LUC7L2: variants seen among roughly 807,000 people sequenced by gnomAD.
LUC7L2 encodes the protein LUC7 like 2, pre-mRNA splicing factor, also known as putative RNA-binding protein Luc7-like 2.
A neutral mutation model predicts 52.8 loss-of-function variants in LUC7L2; 25 were observed. That is an observed-to-expected ratio of 0.47 (90% CI 0.34 to 0.66). LUC7L2 has a LOEUF of 0.66. Among genes scored for constraint, LUC7L2 ranks in the 30% least tolerant of loss-of-function variants. The pLI, the probability that LUC7L2 is intolerant of heterozygous loss-of-function variation, is 0.01. For synonymous variants in LUC7L2, 144 were observed against 160.9 expected, an observed-to-expected ratio of 0.89 and a Z score of 0.80; for missense variants, 328 against 497.8, an observed-to-expected ratio of 0.66 and a Z score of 3.25.
Position 139,417,579 on chromosome 7 carries a change from T to C in LUC7L2, c.851T>C (p.Met284Thr), listed in dbSNP as rs755026905. The part of the protein sequence containing the change: ...REHRRHRSRS[M>T]SRERKRRTRS... ...CATCGCAGACATCGATCTCGCTCCA[T>C]GTCACGTGAACGCAAGAGGAGAACT... The change falls in exon 9 of 10, where the codon ATG becomes ACG. Residue 284 changes from methionine to threonine, a missense_variant. Physicochemically the swap from Met to Thr is moderately conservative, Grantham distance 81. Around this residue, in one of 2 missense-constraint regions of LUC7L2, gnomAD observed 195 missense variants for 223.3 expected, o/e 0.87. Transcript: ENST00000354926. 3.7e-6 allele frequency: 6 copies of C among 1,614,000 alleles called. No individual in the cohort carries two copies. The Admixed American group carries it at 6.7e-5, about 18-fold the overall frequency.
chr7:139,389,910 C>T (rs1335456282), intron 2 of LUC7L2, among the ~76,000 whole-genome samples: 1 of 152,154 alleles, frequency 6.6e-6, no homozygotes, highest in Non-Finnish European at 1.5e-5. Context: ...TCCTGAAGTA[C>T]TTGAGAAAAC....
At chr7:139,372,418 A>G (rs1040500250) in intron 1 of LUC7L2, among the ~76,000 whole-genome samples, 1 of 152,124 alleles carries the variant, frequency 6.6e-6, no homozygotes, top group Non-Finnish European at 1.5e-5. Flanking sequence ...TTGCTCTTAT[A>G]AGCTTTGTCA....
chr7:139,345,401 C>T, intron 1 of LUC7L2: 1 of 1,506,684 alleles, frequency 6.6e-7, no homozygotes, highest in Non-Finnish European at 8.9e-7. Flanking sequence ...TTCCTCTGTG[C>T]AATTTACTTT....
chr7:139,366,426 G>A (rs2131190358), intron 1 of LUC7L2, among the ~76,000 whole-genome samples: 1 of 152,250 alleles, frequency 6.6e-6, no homozygotes, highest in Non-Finnish European at 1.5e-5. Context: ...TGGCTGTTCT[G>A]TTCTGTACTG....
At chr7:139,409,487 A>G in intron 6 of LUC7L2, 76 bp from the exon 7 acceptor site, 2 of 1,499,116 alleles carry the variant, frequency 1.3e-6, no homozygotes, top group Admixed American at 2.4e-5. Context: ...TAGAAACCAG[A>G]TAATATAAAG....
At chr7:139,392,625 A>C (rs1237305557) in intron 2 of LUC7L2, 2 of 194,918 alleles carry the variant, frequency 1.0e-5, no homozygotes, top group African/African-American at 4.8e-5. Flanking sequence ...ACCAAGAATA[A>C]GCTTGTGGAA....
chr7:139,389,468 A>G (rs1262098898), intron 2 of LUC7L2, among the ~76,000 whole-genome samples: 1 of 151,940 alleles, frequency 6.6e-6, no homozygotes, highest in Non-Finnish European at 1.5e-5. Context: ...GATAGGAAAT[A>G]CTGTATTCTC....
intron 1 of LUC7L2, among the ~76,000 whole-genome samples, chr7:139,365,996 A>G (rs1800133745): frequency 6.6e-6 from 1 of 152,228 alleles, no homozygotes; most frequent in Admixed American, 6.5e-5. Flanking sequence ...AAGATTATTG[A>G]GGATATAGAG....
chr7:139,417,838 T>C, intron 9 of LUC7L2, 109 bp downstream of exon 9: 3 of 1,406,484 alleles, frequency 2.1e-6, no homozygotes, highest in Non-Finnish European at 2.8e-6. Context: ...TTGAAACTTT[T>C]GCATCTGGTA....
At chr7:139,397,071 A>AT (rs1392528492) in intron 2 of LUC7L2, among the ~76,000 whole-genome samples, 1 of 152,154 alleles carries the variant, frequency 6.6e-6, no homozygotes, top group Non-Finnish European at 1.5e-5. Context: ...AGGCATACTC[A>AT]TTTTTAGATA....
chr7:139,419,459 T>TG (rs1795787574), intron 9 of LUC7L2, among the ~76,000 whole-genome samples: 1 of 152,238 alleles, frequency 6.6e-6, no homozygotes, highest in Non-Finnish European at 1.5e-5. Flanking sequence ...AAACTGATTT[T>TG]GGGGGTCTAC....
At chr7:139,389,051 AT>A (rs11480564) in intron 2 of LUC7L2, among the ~76,000 whole-genome samples, 272 of 144,798 alleles carry the variant, frequency 1.9e-3, no homozygotes, top group Non-Finnish European at 1.9e-3. Context: ...TTTTTAAATG[AT>A]TTTTTTTTTT....
intron 2 of LUC7L2, among the ~76,000 whole-genome samples, chr7:139,395,241 A>G (rs1309510296): frequency 3.3e-5 from 5 of 152,240 alleles, no homozygotes; most frequent in African/African-American, 1.2e-4. Flanking sequence ...TCCTTCTGCC[A>G]TTAGCTTCTT....
chr7:139,392,006 A>G (rs980627398), intron 2 of LUC7L2, among the ~76,000 whole-genome samples: 3 of 152,156 alleles, frequency 2.0e-5, no homozygotes, highest in Non-Finnish European at 2.9e-5. Context: ...CAAAATTCGT[A>G]TTTTATTATG....
chr7:139,384,937 T>A (rs892909950), intron 2 of LUC7L2, among the ~76,000 whole-genome samples: 3 of 152,162 alleles, frequency 2.0e-5, no homozygotes, highest in Non-Finnish European at 4.4e-5. Flanking sequence ...TTTTGAATAA[T>A]CTTAGATCAT....
intron 2 of LUC7L2, among the ~76,000 whole-genome samples, chr7:139,387,285 C>A (rs1004429958): frequency 3.9e-5 from 6 of 152,116 alleles, no homozygotes; most frequent in Non-Finnish European, 7.4e-5. Context: ...GCTCCGCCTC[C>A]CAGGTTCACG....
chr7:139,354,997 A>G (rs959141861), upstream of LUC7L2, among the ~76,000 whole-genome samples: 1 of 152,026 alleles, frequency 6.6e-6, no homozygotes, highest in Non-Finnish European at 1.5e-5. Flanking sequence ...AGCTGGGATT[A>G]CTGGCGCACA....
intron 7 of LUC7L2, 85 bp downstream of exon 7, chr7:139,409,739 A>G (rs1188081184): frequency 6.9e-7 from 1 of 1,447,562 alleles, no homozygotes; most frequent in Non-Finnish European, 9.1e-7. Context: ...TTAGATGGTG[A>G]TAAATCTGTT....
At chr7:139,383,993 AC>A (rs59815633) in intron 2 of LUC7L2, among the ~76,000 whole-genome samples, 18,427 of 150,852 alleles carry the variant, frequency 0.12, 3,220 homozygotes, top group African/African-American at 0.39. Flanking sequence ...GAAGTGACCC[AC>A]CCACCTTGGC....
Sources: allele counts gnomAD v4.1 joint callset (sites outside exome capture counted in the v4.1 genomes callset), GRCh38; gene constraint gnomAD v4.1.1; regional missense constraint gnomAD v4.1.1; transcripts MANE v1.5; gene names NCBI Gene and HGNC (gene_info 2026-07-23, HGNC 2026-07-21).